The following KCNAB2 variants were observed in gnomAD, a reference collection of about 807,000 sequenced individuals.
The protein encoded by KCNAB2 is voltage-gated potassium channel subunit beta-2.
Under a neutral mutation model 63.6 loss-of-function variants are expected in KCNAB2, and 29 were observed. That is an observed-to-expected ratio of 0.46 (90% CI 0.34 to 0.62). KCNAB2 has a LOEUF of 0.62. Among genes scored for constraint, KCNAB2 ranks in the 20% least tolerant of loss-of-function variants. The probability of loss-of-function intolerance (pLI) is 0.01; values close to 1 mark genes in which losing one functional copy is unlikely to be tolerated. For missense variants in KCNAB2, 359 were observed against 563.9 expected, an observed-to-expected ratio of 0.64 and a Z score of 3.68; for synonymous variants, 222 against 224.2, an observed-to-expected ratio of 0.99 and a Z score of 0.09.
upstream of KCNAB2, among the ~76,000 whole-genome samples, chr1:6,044,661 T>A (rs911915557): frequency 6.6e-6 from 1 of 151,994 alleles, no homozygotes; most frequent in Non-Finnish European, 1.5e-5. Flanking sequence ...ATCTATGGTG[T>A]TTGAGCAGGG....
intron 7 of KCNAB2, 110 bp from the exon 8 acceptor site, chr1:6,088,898 C>A: frequency 9.7e-7 from 1 of 1,028,116 alleles, no homozygotes; most frequent in Non-Finnish European, 1.5e-6. Context: ...CTCCACACGG[C>A]ATTTGCTGAC....
At chr1:6,027,744 C>T (rs978449373) in intron 1 of KCNAB2, among the ~76,000 whole-genome samples, 10 of 152,160 alleles carry the variant, frequency 6.6e-5, no homozygotes, top group African/African-American at 1.9e-4. Flanking sequence ...ATGCTCCGTT[C>T]GGCAGTCATG....
chr1:6,088,867 T>A, intron 7 of KCNAB2, 141 bp from the exon 8 acceptor site: 2 of 592,302 alleles, frequency 3.4e-6, no homozygotes, highest in Non-Finnish European at 5.6e-6. Flanking sequence ...CTCGGGTCCC[T>A]ACCCCCAAAG....
At chr1:6,006,933 A>G (rs989651143) in intron 1 of KCNAB2, among the ~76,000 whole-genome samples, 7 of 152,120 alleles carry the variant, frequency 4.6e-5, no homozygotes, top group African/African-American at 1.7e-4. Flanking sequence ...CCTGTGTAAG[A>G]TGAGCACTGG....
At chr1:6,060,119 G>C (rs1409880873) in intron 2 of KCNAB2, among the ~76,000 whole-genome samples, 2 of 152,208 alleles carry the variant, frequency 1.3e-5, no homozygotes, top group African/African-American at 4.8e-5. Context: ...CACAGAACCT[G>C]CTGCTGCCTC....
At chr1:6,092,855 C>T (rs1446972020) in intron 10 of KCNAB2, among the ~76,000 whole-genome samples, 2 of 152,232 alleles carry the variant, frequency 1.3e-5, no homozygotes, top group African/African-American at 4.8e-5. Context: ...GAGAGCAGGG[C>T]TGGGCCTGCA....
chr1:6,097,500 G>A lies in KCNAB2; in HGVS notation c.1158+143G>A, dbSNP rs781673818. 2.1e-6 allele frequency: 3 copies of A among 1,441,088 alleles called. No homozygotes were observed. The South Asian group carries it at 3.7e-5, about 18-fold the overall frequency. The allele number at this position is 1,441,088 out of a possible 1,614,324, so 89.3% of individuals were successfully genotyped here. On this transcript the variant is annotated intron_variant, in intron 15 of 15. Coordinates refer to ENST00000378083, the MANE Select transcript of KCNAB2 (RefSeq NM_001199862.2). The stretch of plus-strand genomic sequence containing the variant: ...GTGAACCATCAGAGTTGTGCTCCTG[G>A]AGAGCTTGCTTTCCAGCAGGAACAG...
upstream of KCNAB2, among the ~76,000 whole-genome samples, chr1:6,031,437 C>A (rs573108173): frequency 6.6e-6 from 1 of 152,362 alleles, no homozygotes; most frequent in East Asian, 1.9e-4. This position sits in a 1 kb window ranked among gnomAD's most constrained non-coding sequence, Gnocchi z 4.1. Context: ...CCAGGCCCCC[C>A]ATTCTGCAGA....
At chr1:6,089,581 G>A (rs766941368) in intron 8 of KCNAB2, among the ~76,000 whole-genome samples, 3 of 152,180 alleles carry the variant, frequency 2.0e-5, no homozygotes, top group African/African-American at 7.2e-5. Context: ...ATCACCTGGC[G>A]GGGCAAGCCA....
At chr1:6,005,461 G>GT (rs1373832711) in intron 1 of KCNAB2, among the ~76,000 whole-genome samples, 22 of 149,658 alleles carry the variant, frequency 1.5e-4, no homozygotes, top group Non-Finnish European at 2.1e-4. Context: ...TGAGGGTGGA[G>GT]GCGGGGACGT....
chr1:6,066,716 C>T (rs1045213643), intron 2 of KCNAB2, among the ~76,000 whole-genome samples: 1 of 152,210 alleles, frequency 6.6e-6, no homozygotes, highest in African/African-American at 2.4e-5. Flanking sequence ...GCCACCATGA[C>T]AAACATCCGT....
chr1:6,082,133 T>C, intron 4 of KCNAB2, 62 bp from the exon 5 acceptor site: 1 of 1,426,582 alleles, frequency 7.0e-7, no homozygotes, highest in South Asian at 1.1e-5. Context: ...GAGAGGGTGG[T>C]GCTCCAGAGC....
rs1883770 is a variant in KCNAB2 at position 6,069,833 on chromosome 1, C to T, written c.219-2922C>T. On this transcript the variant is annotated intron_variant, in intron 2 of 15. Transcript: ENST00000378083. This position sits in a 1 kb window ranked among gnomAD's most constrained non-coding sequence, Gnocchi z 5.4. ...GGAAACAAGTTGAGCAGGGTAATTG[C>T]GGCATCACGTGGTGCCCTAGTTTTG... Among the ~76,000 whole-genome samples, 362 of 152,272 alleles carry T rather than the reference C, an allele frequency of 2.4e-3. 2 individuals carry two copies. Among genetic ancestry groups the T allele is most frequent in the African/African-American group, 7.8e-3 (323 of 41,558 alleles).
At chr1:5,999,470 G>A (rs1490979876) in intron 1 of KCNAB2, among the ~76,000 whole-genome samples, 2 of 152,210 alleles carry the variant, frequency 1.3e-5, no homozygotes, top group Non-Finnish European at 2.9e-5. Flanking sequence ...CGAGGAAGCT[G>A]TTTGTGATGG....
intron 1 of KCNAB2, among the ~76,000 whole-genome samples, chr1:6,039,228 G>A (rs994587899): frequency 3.9e-5 from 6 of 152,230 alleles, no homozygotes; most frequent in African/African-American, 1.4e-4. Context: ...TCAGCGTGCT[G>A]GGAAGGCGGG....
At chr1:6,084,623 C>G (rs780378805) in intron 5 of KCNAB2, among the ~76,000 whole-genome samples, 3 of 152,154 alleles carry the variant, frequency 2.0e-5, no homozygotes, top group Non-Finnish European at 2.9e-5. Context: ...CGAGACCAGC[C>G]TGGCCAACAT....
Position 6,087,665 on chromosome 1 carries a change from C to G in KCNAB2, c.470+154C>G, listed in dbSNP as rs557813632. ...GTCGGGGTCTGTCCTGGACAGGCCC[C>G]GGCCCAGTGCCATTTCCTGTCCCCA... On this transcript the variant is annotated intron_variant, in intron 7 of 15. Transcript: ENST00000378083. This position sits in a 1 kb window ranked among gnomAD's most constrained non-coding sequence, Gnocchi z 6.4. 6.6e-6 allele frequency among the ~76,000 whole-genome samples: 1 copy of G among 152,164 alleles called. No individual in the cohort carries two copies. Among genetic ancestry groups the G allele is most frequent in the African/African-American group, 2.4e-5 (1 of 41,428 alleles).
intron 4 of KCNAB2, among the ~76,000 whole-genome samples, chr1:6,076,496 T>C (rs2100678863): frequency 6.6e-6 from 1 of 152,374 alleles, no homozygotes; most frequent in Non-Finnish European, 1.5e-5. Context: ...AATAAAAATT[T>C]AATAGATGTA....
chr1:6,051,088 G>A (rs1316478195), intron 1 of KCNAB2, among the ~76,000 whole-genome samples: 1 of 152,156 alleles, frequency 6.6e-6, no homozygotes, highest in East Asian at 1.9e-4. Flanking sequence ...TTTTACCCTG[G>A]GAACCACCTC....
Sources: allele counts gnomAD v4.1 joint callset (sites outside exome capture counted in the v4.1 genomes callset), GRCh38; gene constraint gnomAD v4.1.1; non-coding constraint Gnocchi (gnomAD v3.1); transcripts MANE v1.5; gene names NCBI Gene and HGNC (gene_info 2026-07-23, HGNC 2026-07-21).